TMPRSS15: variants seen among roughly 807,000 people sequenced by gnomAD.
TMPRSS15 encodes enteropeptidase.
In TMPRSS15, 128 loss-of-function variants were observed where a neutral mutation model predicts 125.3. The ratio of observed to expected loss-of-function variants is 1.02; its 90% CI spans 0.89 to 1.18. The LOEUF (loss-of-function observed/expected upper bound fraction) is 1.18. TMPRSS15 is among the 50% of genes most tolerant of loss of function. The pLI, the probability that TMPRSS15 is intolerant of heterozygous loss-of-function variation, is 0.00. For synonymous variants in TMPRSS15, 446 were observed against 423.2 expected (o/e 1.05, Z -0.66); for missense variants, 1,283 against 1,212.7 (o/e 1.06, Z -0.86).
At chr21:18,277,912 C>G (rs539274296) in intron 23 of TMPRSS15, among the ~76,000 whole-genome samples, 1 of 152,042 alleles carries the variant, frequency 6.6e-6, no homozygotes, top group Admixed American at 6.6e-5. Context: ...AGCCAATGAG[C>G]CTTGTGGTTA....
chr21:18,474,671 G>A (rs1416463702), intron 1 of TMPRSS15, among the ~76,000 whole-genome samples: 1 of 152,154 alleles, frequency 6.6e-6, no homozygotes, highest in Non-Finnish European at 1.5e-5. Flanking sequence ...ATTCTTCAAA[G>A]AAGCTAGTAA....
chr21:18,305,390 G>T (rs1257255481), intron 18 of TMPRSS15, among the ~76,000 whole-genome samples: 2 of 151,784 alleles, frequency 1.3e-5, no homozygotes, highest in East Asian at 3.9e-4. Flanking sequence ...GGGTTTCACC[G>T]GGTTAGCCAG....
chr21:18,375,855 G>A (rs1318383096), intron 5 of TMPRSS15, among the ~76,000 whole-genome samples: 7 of 152,136 alleles, frequency 4.6e-5, no homozygotes, highest in East Asian at 3.9e-4. Flanking sequence ...CGGAGAGCAG[G>A]CTCTGTGCTA....
At chr21:18,471,194 G>A (rs1978772516) in intron 1 of TMPRSS15, among the ~76,000 whole-genome samples, 1 of 151,902 alleles carries the variant, frequency 6.6e-6, no homozygotes, top group Non-Finnish European at 1.5e-5. Context: ...AATTAAGCTG[G>A]TTTTGATAAT....
chr21:18,427,318 T>C (rs1267340344), intron 1 of TMPRSS15, among the ~76,000 whole-genome samples: 3 of 152,230 alleles, frequency 2.0e-5, no homozygotes, highest in Admixed American at 1.3e-4. Flanking sequence ...AGAATTATAG[T>C]CAGTCTAACC....
chr21:18,383,782 C>G lies in TMPRSS15; in HGVS notation c.345-4G>C. The G allele has an allele frequency of 6.2e-7, 1 of 1,612,530 alleles. No homozygotes were observed. The highest frequency in any genetic ancestry group is 8.5e-7 in the Non-Finnish European group (1 of 1,179,224). Reference sequence around the variant, plus strand: ...TACGACTATAATGCTGCCATTTCTGCAAAGCAAAAGAGGATATAAGAGGAA... The same window carrying G: ...TACGACTATAATGCTGCCATTTCTGGAAAGCAAAAGAGGATATAAGAGGAA... On this transcript the variant is annotated splice_region_variant and splice_polypyrimidine_tract_variant and intron_variant, in intron 3 of 24. Transcript: ENST00000284885.
upstream of TMPRSS15, among the ~76,000 whole-genome samples, chr21:18,406,993 A>T (rs1016283301): frequency 6.6e-6 from 1 of 152,230 alleles, no homozygotes; most frequent in Non-Finnish European, 1.5e-5. Flanking sequence ...TAAACTAGAA[A>T]TAATAAAACA....
At chr21:18,284,749 A>G (rs1257620783) in intron 21 of TMPRSS15, among the ~76,000 whole-genome samples, 1 of 152,108 alleles carries the variant, frequency 6.6e-6, no homozygotes, top group Admixed American at 6.6e-5. Context: ...AAGTTGGCTG[A>G]ATTTACTTTC....
chr21:18,405,708 C>G (rs1330609370), upstream of TMPRSS15, among the ~76,000 whole-genome samples: 1 of 152,110 alleles, frequency 6.6e-6, no homozygotes, highest in Admixed American at 6.6e-5. Flanking sequence ...ACATGAAGAA[C>G]TTCAGATCTT....
In TMPRSS15 at chr21:18,344,154, G is replaced by T. The variant is rs184162357; in HGVS notation, c.1172-94C>A. On this transcript the variant is annotated intron_variant, in intron 10 of 24. Transcript: ENST00000284885. Reference sequence around the variant, plus strand: ...TGTAAGCAGGAAAGAAAAACTTTAAGAAGAAAGGTTAAGGAAATATATTTT... The same window carrying T: ...TGTAAGCAGGAAAGAAAAACTTTAATAAGAAAGGTTAAGGAAATATATTTT... 8,813 of 1,041,084 alleles carry T rather than the reference G, an allele frequency of 8.5e-3. 54 individuals are homozygous for T. Among genetic ancestry groups the T allele is most frequent in the Non-Finnish European group, 0.011 (7,687 of 677,866 alleles). The allele number at this position is 1,041,084 out of a possible 1,614,324, so 64.5% of individuals were successfully genotyped here. A position where few individuals can be genotyped will look rare whatever the true frequency, so the allele number is the denominator to read the frequency against.
chr21:18,287,327 C>A (rs956909620), intron 21 of TMPRSS15, among the ~76,000 whole-genome samples: 3 of 152,116 alleles, frequency 2.0e-5, no homozygotes, highest in Non-Finnish European at 4.4e-5. Flanking sequence ...AGCCAGGTAA[C>A]GGGCAGAGTT....
intron 24 of TMPRSS15, among the ~76,000 whole-genome samples, chr21:18,271,194 C>CTAT (rs1291982584): frequency 1.3e-5 from 2 of 152,178 alleles, no homozygotes; most frequent in African/African-American, 4.8e-5. Flanking sequence ...ACTGTGATTT[C>CTAT]TATTTCTGCA....
At position 18,352,937 on chromosome 21, in the gene TMPRSS15, T is replaced by C. The variant is rs1215631047; in HGVS notation, c.1137A>G (p.Gly379=). Residue 379 remains glycine, a synonymous_variant, in exon 10 of 25, where the codon GGA becomes GGG. Transcript: ENST00000284885. ...TGCCAAAAGTGTGGTCAAAATTGGG[T>C]CCAGTAAAAGGAGAAAAGGTGCTTC... ...IQGSTFSPFT[G]PNFDHTFGNA... 1 of 1,612,338 alleles carries C rather than the reference T, an allele frequency of 6.2e-7. No homozygotes were observed.
In TMPRSS15 at chr21:18,348,322, T is replaced by A. The variant is rs192597404; in HGVS notation, c.1172-4262A>T. Among the ~76,000 whole-genome samples the A allele has an allele frequency of 2.1e-3, 318 of 152,268 alleles. 1 individual carries two copies. Among genetic ancestry groups the A allele is most frequent in the African/African-American group, 6.6e-3 (276 of 41,560 alleles). On this transcript the variant is annotated intron_variant, in intron 10 of 24. Transcript: ENST00000284885. Reference sequence around the variant, plus strand: ...TGCTTATCTCTTCATGAATTGAACCTAGTCTCTCTCCACCCAACATCCTAA... The same window carrying A: ...TGCTTATCTCTTCATGAATTGAACCAAGTCTCTCTCCACCCAACATCCTAA...
At chr21:18,410,658 C>T (rs1316562463) in intron 1 of TMPRSS15, among the ~76,000 whole-genome samples, 1 of 149,862 alleles carries the variant, frequency 6.7e-6, no homozygotes, top group Non-Finnish European at 1.5e-5. Context: ...GGAGTGTATG[C>T]CTCAACTTTA....
intron 1 of TMPRSS15, among the ~76,000 whole-genome samples, chr21:18,402,980 T>C (rs2076110872): frequency 6.6e-6 from 1 of 152,226 alleles, no homozygotes; most frequent in African/African-American, 2.4e-5. Context: ...AGTCTACATT[T>C]ATATCCAAGT....
intron 6 of TMPRSS15, 96 bp downstream of exon 6, chr21:18,372,097 A>AGTGTGTGTGTGT (rs1601405253): frequency 4.0e-6 from 2 of 497,096 alleles, no homozygotes; most frequent in Non-Finnish European, 5.8e-6. Flanking sequence ...TTGAGATTAG[A>AGTGTGTGTGTGT]ATGTGTGTGT....
At chr21:18,441,387 A>G (rs959004077) in intron 1 of TMPRSS15, among the ~76,000 whole-genome samples, 2 of 151,888 alleles carry the variant, frequency 1.3e-5, no homozygotes, top group African/African-American at 2.4e-5. Flanking sequence ...CAGGCAGATC[A>G]TGAGGTCAGG....
Position 18,403,594 on chromosome 21 carries a change from C to G in TMPRSS15, c.29G>C (p.Arg10Thr). 1 of 1,614,082 alleles carries G rather than the reference C, an allele frequency of 6.2e-7. No individual in the cohort carries two copies. The change falls in exon 1 of 25, where the codon AGG becomes ACG. Residue 10 changes from arginine to threonine, a missense_variant. Physicochemically the swap from Arg to Thr is moderately conservative, Grantham distance 71 (BLOSUM62 -1). Transcript: ENST00000284885. MGSKRGISSRHHSLSSYEIM... is the reference protein window; with the variant it reads MGSKRGISSTHHSLSSYEIM... Reference sequence around the variant, plus strand: ...TTCATAGGAGCTGAGAGAATGATGCCTAGAAGATATGCCTCTTTTCGACCC... The same window carrying G: ...TTCATAGGAGCTGAGAGAATGATGCGTAGAAGATATGCCTCTTTTCGACCC...
Sources: gnomAD v4.1 joint callset for allele counts (sites outside exome capture counted in the v4.1 genomes callset) on GRCh38, gnomAD v4.1.1 for gene constraint, MANE v1.5 for transcripts, NCBI Gene and HGNC (gene_info 2026-07-23, HGNC 2026-07-21) for gene names.